FER: variants seen among roughly 807,000 people sequenced by gnomAD.
The protein encoded by FER is FER tyrosine kinase.
In FER, 63 loss-of-function variants were observed where a neutral mutation model predicts 111.0. The observed-to-expected ratio is 0.57, with a 90% confidence interval of 0.46 to 0.70. The LOEUF (loss-of-function observed/expected upper bound fraction) is 0.70. FER is among the 30% of genes least tolerant of loss of function. The pLI, the probability that FER is intolerant of heterozygous loss-of-function variation, is 0.00. For synonymous variants in FER, 327 were observed against 313.9 expected, an observed-to-expected ratio of 1.04 and a Z score of -0.44; for missense variants, 914 against 954.0, an observed-to-expected ratio of 0.96 and a Z score of 0.55.
chr5:108,820,584 C>G, intron 3 of FER: 1 of 967,752 alleles, frequency 1.0e-6, no homozygotes, highest in Non-Finnish European at 1.2e-6. Context: ...TTAGATTTAC[C>G]TTTTTAATAC....
chr5:108,825,397 C>G (rs1435773189), intron 3 of FER, among the ~76,000 whole-genome samples: 1 of 152,182 alleles, frequency 6.6e-6, no homozygotes, highest in Non-Finnish European at 1.5e-5. Context: ...CAATATTTCT[C>G]CCATTTGGGC....
chr5:108,894,379 C>T lies in FER; in HGVS notation c.1047-3280C>T. ...TGCTGCAAGGGTTCCTTCCTTGCTG[C>T]ATCCTGTAGCAACTGTTTGTGGACC... On this transcript the variant is annotated intron_variant, in intron 9 of 19. Coordinates refer to ENST00000281092, the MANE Select transcript of FER (RefSeq NM_005246.4). 4.1e-6 allele frequency: 4 copies of T among 972,330 alleles called. No individual in the cohort carries two copies. In the Admixed American group the frequency reaches 1.2e-4, roughly 28 times the overall value. The allele number at this position is 972,330 out of a possible 1,614,324, so 60.2% of individuals were successfully genotyped here.
chr5:108,987,631 T>A (rs1432645448), intron 13 of FER, among the ~76,000 whole-genome samples: 1 of 152,190 alleles, frequency 6.6e-6, no homozygotes, highest in Non-Finnish European at 1.5e-5. Flanking sequence ...CTGATTTGTG[T>A]ACATTAATTT....
At chr5:109,034,883 A>G (rs1770150172) in intron 13 of FER, among the ~76,000 whole-genome samples, 1 of 152,102 alleles carries the variant, frequency 6.6e-6, no homozygotes, top group Non-Finnish European at 1.5e-5. Context: ...TTTGGGGTGG[A>G]GAATTAAACC....
chr5:108,944,963 A>T (rs1194621931), intron 10 of FER, among the ~76,000 whole-genome samples: 4 of 152,084 alleles, frequency 2.6e-5, no homozygotes, highest in African/African-American at 9.7e-5. Flanking sequence ...GGACCTCTCC[A>T]TTAGATAATT....
intron 17 of FER, among the ~76,000 whole-genome samples, chr5:109,100,838 A>C (rs933789511): frequency 6.6e-6 from 1 of 150,522 alleles, no homozygotes; most frequent in Non-Finnish European, 1.5e-5. Flanking sequence ...ATAATCAGAT[A>C]AGATTGTTTC....
chr5:109,078,508 G>C (rs1342831056), intron 16 of FER, among the ~76,000 whole-genome samples: 2 of 152,116 alleles, frequency 1.3e-5, no homozygotes, highest in Non-Finnish European at 2.9e-5. Flanking sequence ...AATTGAGCCA[G>C]CTGTACTAAT....
intron 10 of FER, among the ~76,000 whole-genome samples, chr5:108,932,650 C>T (rs1029036318): frequency 1.3e-5 from 2 of 152,028 alleles, no homozygotes; most frequent in Non-Finnish European, 2.9e-5. Context: ...AGTGGAGAAA[C>T]GTGTTCCTGT....
At position 108,955,700 on chromosome 5, in the gene FER, G is replaced by T. The variant is rs1290354198; in HGVS notation, c.1533+768G>T. 2.0e-5 allele frequency among the ~76,000 whole-genome samples: 3 copies of T among 151,856 alleles called. No individual in the cohort carries two copies. In the South Asian group the frequency reaches 6.2e-4, roughly 32 times the overall value. On this transcript the variant is annotated intron_variant, in intron 12 of 19. Transcript: ENST00000281092. ...CATTTCAAATGGCCTGCATTTTCAA[G>T]ATTGCTATCCACAGGATTTCATTTT...
At chr5:108,756,183 T>A (rs181751537) in intron 1 of FER, among the ~76,000 whole-genome samples, 132 of 149,340 alleles carry the variant, frequency 8.8e-4, no homozygotes, top group Non-Finnish European at 1.6e-3. Flanking sequence ...ATAATAATAA[T>A]AAATACAATA....
chr5:109,167,088 CTCT>C (rs1447673526), intron 17 of FER, among the ~76,000 whole-genome samples: 14 of 152,242 alleles, frequency 9.2e-5, no homozygotes, highest in South Asian at 4.1e-4. Context: ...GCATAACTAT[CTCT>C]TCTTATAGAA....
intron 10 of FER, among the ~76,000 whole-genome samples, chr5:108,898,627 C>G (rs1174675500): frequency 7.3e-6 from 1 of 137,160 alleles, no homozygotes; most frequent in Non-Finnish European, 1.5e-5. Flanking sequence ...TCCTTCCTTC[C>G]TTTCTTTTTC....
intron 2 of FER, among the ~76,000 whole-genome samples, chr5:108,791,529 C>A (rs1012549406): frequency 1.0e-4 from 15 of 149,718 alleles, no homozygotes; most frequent in African/African-American, 3.7e-4. Flanking sequence ...CCAGAAGTTC[C>A]TTATCATATA....
At chr5:109,153,911 G>A (rs1239640980) in intron 17 of FER, among the ~76,000 whole-genome samples, 1 of 151,848 alleles carries the variant, frequency 6.6e-6, no homozygotes, top group African/African-American at 2.4e-5. Flanking sequence ...GCTCCAGAAT[G>A]TTTTATTATA....
chr5:108,856,797 A>C (rs1763053412), intron 5 of FER, among the ~76,000 whole-genome samples: 1 of 152,016 alleles, frequency 6.6e-6, no homozygotes, highest in South Asian at 2.1e-4. Context: ...TTGTGTGTTA[A>C]TATTACGTGT....
chr5:109,060,759 GGTGTGTGT>G (rs577713883), intron 16 of FER, among the ~76,000 whole-genome samples: 1 of 134,658 alleles, frequency 7.4e-6, no homozygotes, highest in African/African-American at 2.8e-5. Context: ...GCGTATGTGT[GGTGTGTGT>G]GTGTGTATAT....
chr5:108,956,115 C>A (rs1758396481), intron 12 of FER, among the ~76,000 whole-genome samples: 1 of 151,702 alleles, frequency 6.6e-6, no homozygotes, highest in Non-Finnish European at 1.5e-5. Flanking sequence ...TGCCCACATT[C>A]ATACATCTAA....
At chr5:108,805,292 A>C (rs564066842) in intron 3 of FER, among the ~76,000 whole-genome samples, 29 of 152,190 alleles carry the variant, frequency 1.9e-4, no homozygotes, top group African/African-American at 6.7e-4. Context: ...GCCTTCCACC[A>C]TGTTTGTGAG....
chr5:108,908,332 A>T (rs1424238224), intron 10 of FER, among the ~76,000 whole-genome samples: 2 of 152,224 alleles, frequency 1.3e-5, no homozygotes, highest in Non-Finnish European at 2.9e-5. Flanking sequence ...ATAACGAAAT[A>T]ATAGCTGTTA....
Sources: gnomAD v4.1 joint callset for allele counts (sites outside exome capture counted in the v4.1 genomes callset) on GRCh38, gnomAD v4.1.1 for gene constraint, MANE v1.5 for transcripts, NCBI Gene and HGNC (gene_info 2026-07-23, HGNC 2026-07-21) for gene names.